ARHGAP28: variants seen among roughly 807,000 people sequenced by gnomAD.
ARHGAP28 encodes the protein rho GTPase-activating protein 28.
A neutral mutation model predicts 90.7 loss-of-function variants in ARHGAP28; 56 were observed. The observed-to-expected ratio is 0.62, with a 90% confidence interval of 0.50 to 0.77. The LOEUF is 0.77. ARHGAP28 is among the 30% of genes least tolerant of loss of function. ARHGAP28 has a pLI of 0.00. For missense variants in ARHGAP28, 869 were observed against 900.9 expected, an observed-to-expected ratio of 0.96 and a Z score of 0.45; for synonymous variants, 308 against 323.3, an observed-to-expected ratio of 0.95 and a Z score of 0.51.
chr18:6,882,907 A>C (rs2057190165), intron 11 of ARHGAP28, among the ~76,000 whole-genome samples: 1 of 152,232 alleles, frequency 6.6e-6, no homozygotes. Flanking sequence ...TGTAATTGAC[A>C]AGGAATCATT....
rs763530566 is a variant in ARHGAP28, at chr18:6,851,141, T to TG, written c.636+21dup. On this transcript the variant is annotated intron_variant, in intron 4 of 17. Coordinates refer to ENST00000383472, the MANE Select transcript of ARHGAP28 (RefSeq NM_001366230.1). ...GTGGTTCCATGGTAAGTTATAGTTGTGGGGGGATGGTGGTAGGCATGAAAT... is the reference window on the plus strand; with the variant it reads ...GTGGTTCCATGGTAAGTTATAGTTGTGGGGGGGATGGTGGTAGGCATGAAAT... The TG allele has an allele frequency of 1.2e-6, 2 of 1,609,930 alleles. No homozygotes were observed. Among genetic ancestry groups the TG allele is most frequent in the Admixed American group, 1.7e-5 (1 of 59,744 alleles).
At chr18:6,891,902 T>C (rs2057268601) in intron 14 of ARHGAP28, among the ~76,000 whole-genome samples, 1 of 152,006 alleles carries the variant, frequency 6.6e-6, no homozygotes, top group South Asian at 2.1e-4. Flanking sequence ...TGGAGTTGTA[T>C]CTTGAAGGAT....
intron 1 of ARHGAP28, among the ~76,000 whole-genome samples, chr18:6,781,441 CTCTG>C (rs1394470779): frequency 6.6e-6 from 1 of 152,234 alleles, no homozygotes; most frequent in Non-Finnish European, 1.5e-5. Context: ...ATCAATCAGT[CTCTG>C]TCTGCTTCCT....
At chr18:6,883,109 A>T (rs1383144430) in intron 11 of ARHGAP28, among the ~76,000 whole-genome samples, 2 of 152,122 alleles carry the variant, frequency 1.3e-5, no homozygotes, top group Non-Finnish European at 2.9e-5. Context: ...TCTGTGTCCA[A>T]ACTGAGAGGA....
chr18:6,802,159 T>A (rs72893661), intron 1 of ARHGAP28, among the ~76,000 whole-genome samples: 3,697 of 152,234 alleles, frequency 0.024, 63 homozygotes, highest in Non-Finnish European at 0.039. Context: ...CATTTATCCA[T>A]CCATTGATGA....
In ARHGAP28 at chr18:6,777,661, G is replaced by T. The variant is rs373457859; in HGVS notation, c.123-47101G>T. The stretch of plus-strand genomic sequence containing the variant: ...AATCACTTGATATCAGGAGGTCAAG[G>T]CTGCAGTGATCTATGATTGCACCAC... On this transcript the variant is annotated intron_variant, in intron 1 of 17. Coordinates refer to ENST00000383472, the MANE Select transcript of ARHGAP28 (RefSeq NM_001366230.1). Among the ~76,000 whole-genome samples, 46 of 152,244 alleles carry T rather than the reference G, an allele frequency of 3.0e-4. No homozygotes were observed. In the East Asian group the frequency reaches 6.6e-3, roughly 22 times the overall value.
intron 1 of ARHGAP28, among the ~76,000 whole-genome samples, chr18:6,809,751 C>T (rs79371210): frequency 5.9e-5 from 9 of 152,104 alleles, no homozygotes; most frequent in Admixed American, 2.6e-4. Flanking sequence ...CTCACCAGGC[C>T]GCACCTCCAA....
intron 14 of ARHGAP28, 108 bp downstream of exon 14, chr18:6,890,651 A>C: frequency 1.6e-6 from 1 of 619,240 alleles, no homozygotes; most frequent in Non-Finnish European, 2.8e-6. Flanking sequence ...TATATTCTCA[A>C]GGATCAGGGA....
At position 6,868,156 on chromosome 18, in the gene ARHGAP28, C is replaced by CT. The variant is rs1198223165; in HGVS notation, c.735dup (p.Glu246Ter). ...ATCTTCCTTTGCTTGGCAGGCTATA[C>CT]TTGAGACCATTCCAGTTCTACCAGT... is the stretch of plus-strand genomic sequence containing the variant. On this transcript the variant is annotated frameshift_variant, in exon 6 of 18. Coordinates refer to ENST00000383472, the MANE Select transcript of ARHGAP28 (RefSeq NM_001366230.1). LOFTEE classifies it high-confidence loss of function. 1.2e-6 allele frequency: 2 copies of CT among 1,613,808 alleles called. No homozygotes were observed. The highest frequency in any genetic ancestry group is 2.2e-5 in the East Asian group (1 of 44,890).
chr18:6,827,275 C>T (rs532204319), intron 2 of ARHGAP28, among the ~76,000 whole-genome samples: 15 of 151,302 alleles, frequency 9.9e-5, no homozygotes, highest in African/African-American at 2.9e-4. Flanking sequence ...CGGGCTGAGG[C>T]GCCCCTCACC....
chr18:6,730,420 A>G (rs2055870803), intron 1 of ARHGAP28, among the ~76,000 whole-genome samples: 1 of 152,126 alleles, frequency 6.6e-6, no homozygotes, highest in East Asian at 1.9e-4. Flanking sequence ...AAATTCTCTA[A>G]AAAGTACACC....
chr18:6,796,588 A>G (rs975567012), intron 1 of ARHGAP28, among the ~76,000 whole-genome samples: 2 of 152,134 alleles, frequency 1.3e-5, no homozygotes, highest in South Asian at 2.1e-4. Flanking sequence ...AATAAACTGC[A>G]GTCATTCTGA....
intron 3 of ARHGAP28, chr18:6,850,833 A>G (rs1232488916): frequency 1.3e-6 from 2 of 1,522,794 alleles, no homozygotes; most frequent in African/African-American, 1.6e-5. Context: ...ATTCTGTTAC[A>G]GTACATGGCA....
At chr18:6,860,814 G>C (rs1488043162) in intron 5 of ARHGAP28, among the ~76,000 whole-genome samples, 1 of 152,192 alleles carries the variant, frequency 6.6e-6, no homozygotes, top group Non-Finnish European at 1.5e-5. Flanking sequence ...CAGTGATCAT[G>C]TAAGAGGAAT....
intron 1 of ARHGAP28, among the ~76,000 whole-genome samples, chr18:6,806,497 A>G (rs1330099259): frequency 6.6e-6 from 1 of 152,094 alleles, no homozygotes; most frequent in Non-Finnish European, 1.5e-5. Flanking sequence ...GAGAATAGTG[A>G]TATAGTCAAA....
Position 6,876,209 on chromosome 18 carries a change from G to T in ARHGAP28, c.1290+1G>T. 1 of 1,613,304 alleles carries T rather than the reference G, an allele frequency of 6.2e-7. No individual in the cohort carries two copies. Among genetic ancestry groups the T allele is most frequent in the Non-Finnish European group, 8.5e-7 (1 of 1,179,302 alleles). The stretch of plus-strand genomic sequence containing the variant: ...TTCAGGATGTACTGCTAAAGTCAAG[G>T]TACCGAACATTTTGTCTCTTCCTAG... On this transcript the variant is annotated splice_donor_variant, in intron 10 of 17. Coordinates refer to ENST00000383472, the MANE Select transcript of ARHGAP28 (RefSeq NM_001366230.1). LOFTEE classifies it high-confidence loss of function.
At chr18:6,873,636 C>T (rs368117611) in intron 8 of ARHGAP28, 48 bp from the exon 9 acceptor site, 3 of 1,605,788 alleles carry the variant, frequency 1.9e-6, no homozygotes, top group Non-Finnish European at 2.6e-6. Context: ...TAAGATAATG[C>T]TTTTCTAATT....
At chr18:6,807,201 CA>C (rs1335088123) in intron 1 of ARHGAP28, among the ~76,000 whole-genome samples, 1 of 152,048 alleles carries the variant, frequency 6.6e-6, no homozygotes, top group Non-Finnish European at 1.5e-5. Context: ...CTTAAGATGT[CA>C]GTATTTTCGC....
intron 7 of ARHGAP28, 140 bp downstream of exon 7, chr18:6,870,872 C>T (rs2057080389): frequency 1.3e-5 from 11 of 845,402 alleles, no homozygotes; most frequent in East Asian, 6.5e-5. Context: ...GCGATCTCGG[C>T]TCACTGCAAG....
Sources: gnomAD v4.1 joint callset for allele counts (sites outside exome capture counted in the v4.1 genomes callset) on GRCh38, gnomAD v4.1.1 for gene constraint, MANE v1.5 for transcripts, NCBI Gene and HGNC (gene_info 2026-07-23, HGNC 2026-07-21) for gene names.